SFMBT1: variants seen among roughly 807,000 people sequenced by gnomAD.
SFMBT1 encodes the protein scm-like with four MBT domains protein 1.
A neutral mutation model predicts 108.7 loss-of-function variants in SFMBT1; 32 were observed. That is an observed-to-expected ratio of 0.29 (90% CI 0.22 to 0.40). SFMBT1 has a LOEUF of 0.40. Among genes scored for constraint, SFMBT1 ranks in the 10% least tolerant of loss-of-function variants. SFMBT1 has a pLI of 1.00. For synonymous variants in SFMBT1, 348 were observed against 369.5 expected (o/e 0.94, Z 0.67); for missense variants, 816 against 1,059.6 (o/e 0.77, Z 3.19).
Position 52,913,559 on chromosome 3 carries a change from T to C in SFMBT1, c.1539A>G (p.Ser513=). The C allele has an allele frequency of 1.2e-6, 2 of 1,614,150 alleles. No homozygotes were observed. The highest frequency in any genetic ancestry group is 1.7e-6 in the Non-Finnish European group (2 of 1,180,010). ...TTCTTCCTTTGTTAAGATATGGCCCTGAGAAGCAACGGTGGTTGAAGTATA... is the reference window on the plus strand; with the variant it reads ...TTCTTCCTTTGTTAAGATATGGCCCCGAGAAGCAACGGTGGTTGAAGTATA... The part of the protein sequence containing the change: ...PKIYFNHRCF[S]GPYLNKGRIA... Residue 513 remains serine (S), a synonymous_variant, in exon 15 of 21, where the codon TCA becomes TCG. Coordinates refer to ENST00000394752, the MANE Select transcript of SFMBT1 (RefSeq NM_016329.4).
chr3:52,997,217 C>A (rs981359265), intron 1 of SFMBT1, among the ~76,000 whole-genome samples: 1 of 150,052 alleles, frequency 6.7e-6, no homozygotes, highest in African/African-American at 2.4e-5. Flanking sequence ...TAGAAATAAC[C>A]CAAATGTCCA....
At chr3:52,971,044 AG>A (rs1704324038) in intron 1 of SFMBT1, among the ~76,000 whole-genome samples, 1 of 152,026 alleles carries the variant, frequency 6.6e-6, no homozygotes, top group East Asian at 1.9e-4. Flanking sequence ...CTGAGGCAGG[AG>A]AATCGCTTGA....
At chr3:52,908,823 G>A (rs906843461) in intron 17 of SFMBT1, among the ~76,000 whole-genome samples, 2 of 151,958 alleles carry the variant, frequency 1.3e-5, no homozygotes, top group Non-Finnish European at 1.5e-5. Flanking sequence ...TGCCTGCCTC[G>A]GCCTCCCAAA....
chr3:52,938,034 C>G (rs1703069420), intron 4 of SFMBT1, among the ~76,000 whole-genome samples: 1 of 152,080 alleles, frequency 6.6e-6, no homozygotes, highest in Non-Finnish European at 1.5e-5. Context: ...TGTATGCAGA[C>G]CCTCCTCCTT....
intron 5 of SFMBT1, among the ~76,000 whole-genome samples, chr3:52,934,577 G>C (rs1159561130): frequency 1.3e-5 from 2 of 152,000 alleles, no homozygotes; most frequent in East Asian, 1.9e-4. Flanking sequence ...CTGTATAAAA[G>C]AATCTGGGAA....
chr3:52,981,059 G>A (rs1414161285), intron 1 of SFMBT1, among the ~76,000 whole-genome samples: 5 of 151,948 alleles, frequency 3.3e-5, no homozygotes, highest in African/African-American at 1.2e-4. Flanking sequence ...CTACTCGTGA[G>A]GCTGAGGCAA....
intron 3 of SFMBT1, among the ~76,000 whole-genome samples, chr3:52,944,730 A>C (rs374976471): frequency 6.6e-6 from 1 of 152,130 alleles, no homozygotes; most frequent in South Asian, 2.1e-4. Flanking sequence ...CATGTTGGCC[A>C]GGCTGGTCTT....
At chr3:52,908,352 A>G (rs568849374) in intron 17 of SFMBT1, among the ~76,000 whole-genome samples, 10 of 151,840 alleles carry the variant, frequency 6.6e-5, no homozygotes, top group South Asian at 2.1e-4. Context: ...GATTACAGGC[A>G]TGAGCCACCA....
chr3:52,994,792 GC>G (rs1322252963), intron 1 of SFMBT1, among the ~76,000 whole-genome samples: 1 of 149,926 alleles, frequency 6.7e-6, no homozygotes, highest in Non-Finnish European at 1.5e-5. Flanking sequence ...GAGCCACTAC[GC>G]CCCGCCTAGA....
chr3:52,993,678 A>G (rs1698211217), intron 1 of SFMBT1, among the ~76,000 whole-genome samples: 1 of 150,232 alleles, frequency 6.7e-6, no homozygotes. Context: ...TGACAGCCAA[A>G]AAAAAGGGGA....
At chr3:52,968,065 T>G (rs1347689705) in intron 2 of SFMBT1, among the ~76,000 whole-genome samples, 1 of 152,152 alleles carries the variant, frequency 6.6e-6, no homozygotes, top group East Asian at 1.9e-4. Flanking sequence ...AATAGATGAA[T>G]GGTTAACCAA....
At chr3:52,999,257 C>A (rs1186763936) in intron 1 of SFMBT1, among the ~76,000 whole-genome samples, 3 of 150,582 alleles carry the variant, frequency 2.0e-5, no homozygotes, top group African/African-American at 7.3e-5. Context: ...ATAAGCAGAC[C>A]ACCAAGGGCT....
chr3:52,951,116 T>TA (rs60541061), intron 3 of SFMBT1, among the ~76,000 whole-genome samples: 1 of 81,564 alleles, frequency 1.2e-5, no homozygotes, highest in South Asian at 6.0e-4. Context: ...ACTCTTATCT[T>TA]AAAAAAAAAA....
rs1165542233 is a variant in SFMBT1, at chr3:52,930,445, C to A, written c.796-15G>T. On this transcript the variant is annotated splice_polypyrimidine_tract_variant and intron_variant, in intron 7 of 20. Coordinates refer to ENST00000394752, the MANE Select transcript of SFMBT1 (RefSeq NM_016329.4). ...ACTTGTTTGTCCTGAAATGCAGACA[C>A]CAAAAGGGGATGAAAACATAGTATC... The A allele has an allele frequency of 1.4e-6, 2 of 1,431,686 alleles. No homozygotes were observed. The highest frequency in any genetic ancestry group is 1.4e-5 in the African/African-American group (1 of 71,138). 88.7% of individuals were successfully genotyped at this position (1,431,686 alleles called of 1,614,324 possible).
chr3:53,039,057 T>A (rs1198356171), intron 1 of SFMBT1, among the ~76,000 whole-genome samples: 1 of 152,164 alleles, frequency 6.6e-6, no homozygotes, highest in East Asian at 1.9e-4. Context: ...AACCTTTGCT[T>A]TTATGTTCTC....
intron 19 of SFMBT1, among the ~76,000 whole-genome samples, 195 bp downstream of exon 19, chr3:52,906,873 CT>C (rs948783065): frequency 5.3e-5 from 8 of 152,126 alleles, no homozygotes; most frequent in Admixed American, 3.3e-4. Flanking sequence ...GACTTTCCCC[CT>C]ATAAGTAGAT....
chr3:52,961,936 G>C (rs1703971481), intron 2 of SFMBT1, among the ~76,000 whole-genome samples: 1 of 152,166 alleles, frequency 6.6e-6, no homozygotes, highest in Non-Finnish European at 1.5e-5. Flanking sequence ...CTCACACAAT[G>C]CTGAGAAGAA....
intron 3 of SFMBT1, among the ~76,000 whole-genome samples, chr3:52,951,555 T>C: frequency 9.4e-6 from 1 of 106,760 alleles, no homozygotes; most frequent in East Asian, 2.7e-4. Context: ...TAGCTGGGAT[T>C]ACAGGTGCTT....
chr3:52,998,387 G>A (rs554947798), intron 1 of SFMBT1, among the ~76,000 whole-genome samples: 2 of 150,144 alleles, frequency 1.3e-5, no homozygotes, highest in South Asian at 2.1e-4. Context: ...GAGAGACTCC[G>A]TCTCAAAAAA....
Sources: allele counts gnomAD v4.1 joint callset (sites outside exome capture counted in the v4.1 genomes callset), GRCh38; gene constraint gnomAD v4.1.1; transcripts MANE v1.5; gene names NCBI Gene and HGNC (gene_info 2026-07-23, HGNC 2026-07-21).